The following PARD3 variants were observed in gnomAD, a reference collection of about 807,000 sequenced individuals.
The protein encoded by PARD3 is par-3 family cell polarity regulator, also known as partitioning defective 3 homolog.
A neutral mutation model predicts 155.4 loss-of-function variants in PARD3; 75 were observed. That is an observed-to-expected ratio of 0.48 (90% CI 0.40 to 0.58). The LOEUF (loss-of-function observed/expected upper bound fraction) is 0.58. Ranked by LOEUF, PARD3 falls within the 20% of genes least tolerant of loss-of-function variation. PARD3 has a pLI of 0.00. For synonymous variants in PARD3, 576 were observed against 610.5 expected (o/e 0.94, Z 0.83); for missense variants, 1,642 against 1,721.7 (o/e 0.95, Z 0.82).
At chr10:34,276,894 G>A (rs1955910647) in intron 21 of PARD3, among the ~76,000 whole-genome samples, 1 of 151,884 alleles carries the variant, frequency 6.6e-6, no homozygotes, top group Admixed American at 6.6e-5. Context: ...GTCTTTTAAC[G>A]ATTTTTAATT....
At chr10:34,200,996 G>T (rs967955721) in intron 22 of PARD3, among the ~76,000 whole-genome samples, 1 of 152,178 alleles carries the variant, frequency 6.6e-6, no homozygotes, top group African/African-American at 2.4e-5. Flanking sequence ...ATGTGTGAGT[G>T]CCTGTGTATA....
At chr10:34,242,094 T>A (rs1953639054) in intron 22 of PARD3, among the ~76,000 whole-genome samples, 1 of 152,210 alleles carries the variant, frequency 6.6e-6, no homozygotes, top group Admixed American at 6.5e-5. Flanking sequence ...AAAGTTGCTA[T>A]CATATACATC....
At chr10:34,329,540 G>A (rs1835393792) in intron 19 of PARD3, among the ~76,000 whole-genome samples, 1 of 152,142 alleles carries the variant, frequency 6.6e-6, no homozygotes, top group Non-Finnish European at 1.5e-5. Context: ...AGGTTTGGCA[G>A]CAAAAATAGT....
rs980063142 is a variant in PARD3 at position 34,696,233 on chromosome 10, C to T, written c.222+85G>A. 5 of 741,636 alleles carry T rather than the reference C, an allele frequency of 6.7e-6. No homozygotes were observed. The African/African-American group carries it at 8.9e-5, about 13-fold the overall frequency. 45.9% of individuals were successfully genotyped at this position (741,636 alleles called of 1,614,324 possible). On this transcript the variant is annotated intron_variant, in intron 2 of 24. Transcript: ENST00000374788. ...CATAATTTAAAGTATGTGTCTAAAA[C>T]AGAAAGGAAAAGAATCGCACCCGCT...
intron 2 of PARD3, among the ~76,000 whole-genome samples, chr10:34,606,073 CCTT>C (rs1238567378): frequency 1.4e-5 from 2 of 143,476 alleles, no homozygotes; most frequent in East Asian, 4.0e-4. Context: ...GAAAAACTCC[CCTT>C]TATATAGATA....
chr10:34,571,702 G>A (rs564363888), intron 2 of PARD3, among the ~76,000 whole-genome samples: 3 of 152,314 alleles, frequency 2.0e-5, no homozygotes, highest in South Asian at 4.1e-4. Context: ...AGAATGCAAT[G>A]ACTGATTCAA....
intron 23 of PARD3, among the ~76,000 whole-genome samples, chr10:34,124,401 G>C (rs1268093336): frequency 6.6e-6 from 1 of 152,154 alleles, no homozygotes; most frequent in Non-Finnish European, 1.5e-5. Context: ...ATTTGGTAGG[G>C]AGCAGAAATC....
At chr10:34,642,975 G>T (rs572182723) in intron 2 of PARD3, among the ~76,000 whole-genome samples, 1 of 152,278 alleles carries the variant, frequency 6.6e-6, no homozygotes, top group African/African-American at 2.4e-5. Context: ...TTGCTGAAAT[G>T]CTCCCCCATC....
At chr10:34,193,270 T>A (rs1250870624) in intron 22 of PARD3, among the ~76,000 whole-genome samples, 1 of 152,226 alleles carries the variant, frequency 6.6e-6, no homozygotes, top group Non-Finnish European at 1.5e-5. Flanking sequence ...CAAGAAATGT[T>A]GAAAAACCTA....
At chr10:34,309,547 C>CAAAA (rs1323865538) in intron 20 of PARD3, among the ~76,000 whole-genome samples, 2 of 46,648 alleles carry the variant, frequency 4.3e-5, no homozygotes, top group Admixed American at 6.0e-4. Context: ...GACCCTGTCT[C>CAAAA]CAAAAAAAAA....
chr10:34,787,710 G>A (rs943060975), intron 1 of PARD3, among the ~76,000 whole-genome samples: 1 of 151,792 alleles, frequency 6.6e-6, no homozygotes, highest in African/African-American at 2.4e-5. Flanking sequence ...ATCCAGTCAG[G>A]CTAGGAGAAA....
intron 2 of PARD3, among the ~76,000 whole-genome samples, chr10:34,575,884 G>A (rs532778529): frequency 1.3e-4 from 20 of 152,062 alleles, no homozygotes; most frequent in African/African-American, 4.8e-4. Context: ...TGTCAAGAGT[G>A]AAACTCCGTC....
chr10:34,702,614 T>C (rs1406878535), intron 1 of PARD3, among the ~76,000 whole-genome samples: 1 of 152,078 alleles, frequency 6.6e-6, no homozygotes, highest in Admixed American at 6.5e-5. Context: ...ACGTACTGAT[T>C]ACAGAAAAAT....
At chr10:34,219,217 A>G (rs938609173) in intron 22 of PARD3, among the ~76,000 whole-genome samples, 2 of 152,206 alleles carry the variant, frequency 1.3e-5, no homozygotes, top group Non-Finnish European at 2.9e-5. Flanking sequence ...CAATCATAGA[A>G]GGCGGTCTTA....
intron 22 of PARD3, among the ~76,000 whole-genome samples, chr10:34,242,521 T>C (rs1953673769): frequency 6.6e-6 from 1 of 152,158 alleles, no homozygotes; most frequent in African/African-American, 2.4e-5. Context: ...ACCATGCTCC[T>C]TCCAGCTCTA....
chr10:34,760,584 A>G (rs1002506082), intron 1 of PARD3, among the ~76,000 whole-genome samples: 2 of 152,204 alleles, frequency 1.3e-5, no homozygotes, highest in Non-Finnish European at 2.9e-5. Flanking sequence ...TGCCCGCCTC[A>G]GCCTCCCAAA....
rs1277860107 is a variant in PARD3 at position 34,382,561 on chromosome 10, G to A, written c.1378C>T (p.Leu460Phe). The A allele has an allele frequency of 4.3e-6, 7 of 1,613,096 alleles. No individual in the cohort carries two copies. The East Asian group carries it at 1.1e-4, about 26-fold the overall frequency. The change falls in exon 9 of 25, where the codon CTT becomes TTT. Residue 460 changes from leucine (L) to phenylalanine (F), a missense_variant. Leu to Phe is a conservative substitution (Grantham distance 22). Transcript: ENST00000374788. ...GYNTKKIGKR[L>F]NIQLKKGTEG... is the part of the protein sequence containing the mutation. ...GTACCTTTCTTAAGCTGGATATTAA[G>A]CCTCTTGCCTATTTTTTTGGTGTTA... is the stretch of plus-strand genomic sequence containing the variant.
At chr10:34,575,317 T>C (rs1434735156) in intron 2 of PARD3, among the ~76,000 whole-genome samples, 2 of 152,246 alleles carry the variant, frequency 1.3e-5, no homozygotes, top group African/African-American at 4.8e-5. Flanking sequence ...TTTTAAGTCA[T>C]CTTATTTAAA....
intron 4 of PARD3, among the ~76,000 whole-genome samples, chr10:34,453,620 T>C (rs945158600): frequency 2.0e-5 from 3 of 152,244 alleles, no homozygotes; most frequent in Admixed American, 1.3e-4. Context: ...GTAAAATGTA[T>C]TTTCAGTGAA....
Sources: allele counts gnomAD v4.1 joint callset (sites outside exome capture counted in the v4.1 genomes callset), GRCh38; gene constraint gnomAD v4.1.1; transcripts MANE v1.5; gene names NCBI Gene and HGNC (gene_info 2026-07-23, HGNC 2026-07-21).